Variants in MGAT5 observed in about 807,000 individuals in gnomAD.
The protein encoded by MGAT5 is alpha-1,6-mannosylglycoprotein 6-beta-N-acetylglucosaminyltransferase A.
MGAT5 carries 30 observed loss-of-function variants against 94.3 expected under a neutral mutation model. That is an observed-to-expected ratio of 0.32 (90% CI 0.24 to 0.43). The LOEUF is 0.43. MGAT5 is among the 20% of genes least tolerant of loss of function. The pLI is 1.00. For missense variants in MGAT5, 691 were observed against 905.5 expected (o/e 0.76, Z 3.04); for synonymous variants, 310 against 322.9 (o/e 0.96, Z 0.43).
chr2:134,433,686 CAGTT>C (rs1273928490), intron 14 of MGAT5, among the ~76,000 whole-genome samples: 3 of 152,190 alleles, frequency 2.0e-5, no homozygotes, highest in Non-Finnish European at 2.9e-5. Flanking sequence ...CTAATCCAGT[CAGTT>C]ACTCAATATT....
At chr2:134,276,752 G>A (rs1422534448) in intron 2 of MGAT5, among the ~76,000 whole-genome samples, 1 of 152,206 alleles carries the variant, frequency 6.6e-6, no homozygotes, top group Non-Finnish European at 1.5e-5. Context: ...GCCATGTGGA[G>A]TGAAATGCAT....
chr2:134,387,327 TA>T (rs374381045), intron 10 of MGAT5, among the ~76,000 whole-genome samples: 997 of 45,852 alleles, frequency 0.022, 16 homozygotes, highest in African/African-American at 0.029. Flanking sequence ...TATATATATA[TA>T]TATATTTTTT....
At chr2:134,167,762 A>G (rs1007728502) in intron 1 of MGAT5, among the ~76,000 whole-genome samples, 5 of 152,236 alleles carry the variant, frequency 3.3e-5, no homozygotes, top group African/African-American at 1.2e-4. Context: ...GCAAACCTAC[A>G]TAAGTGGTCT....
At chr2:134,270,968 C>G (rs1346753011) in intron 2 of MGAT5, among the ~76,000 whole-genome samples, 5 of 152,178 alleles carry the variant, frequency 3.3e-5, no homozygotes. Context: ...AAAGAGCCAC[C>G]ATTGCCGAAA....
In MGAT5 at chr2:134,316,801, T is replaced by C. The variant is rs1250425815; in HGVS notation, c.407-728T>C. 3.3e-5 allele frequency among the ~76,000 whole-genome samples: 5 copies of C among 152,296 alleles called. No individual in the cohort carries two copies. In the East Asian group the frequency reaches 9.7e-4, roughly 29 times the overall value. ...TTTTAAATAGCTAGGAGGAGCATATTGAATGTTTCTATCAGAAAGAAATGA... is the reference window on the plus strand; with the variant it reads ...TTTTAAATAGCTAGGAGGAGCATATCGAATGTTTCTATCAGAAAGAAATGA... On this transcript the variant is annotated intron_variant, in intron 2 of 15. Coordinates refer to ENST00000281923, the MANE Select transcript of MGAT5 (RefSeq NM_002410.5).
chr2:134,124,480 G>T (rs1018412655), intron 1 of MGAT5, among the ~76,000 whole-genome samples: 17 of 152,166 alleles, frequency 1.1e-4, no homozygotes, highest in Admixed American at 5.2e-4. Flanking sequence ...TTCCTCTCGG[G>T]ACTCTGCCCA....
intron 14 of MGAT5, among the ~76,000 whole-genome samples, chr2:134,434,601 T>C (rs1303425773): frequency 6.6e-6 from 1 of 152,216 alleles, no homozygotes; most frequent in Non-Finnish European, 1.5e-5. Flanking sequence ...TCAGTTTAGT[T>C]GAGCAGCTCC....
chr2:134,143,395 G>A (rs1686753456), intron 1 of MGAT5, among the ~76,000 whole-genome samples: 2 of 152,238 alleles, frequency 1.3e-5, no homozygotes, highest in Non-Finnish European at 2.9e-5. Context: ...GAAGTGGGCA[G>A]GGAGTGAAGT....
chr2:134,273,344 G>A (rs1684151874), intron 2 of MGAT5, among the ~76,000 whole-genome samples: 2 of 152,268 alleles, frequency 1.3e-5, no homozygotes, highest in South Asian at 4.2e-4. Flanking sequence ...CCTGAGCTGT[G>A]AGAGTTCAGT....
At chr2:134,292,271 A>T (rs186204290) in intron 2 of MGAT5, among the ~76,000 whole-genome samples, 2 of 152,296 alleles carry the variant, frequency 1.3e-5, no homozygotes, top group East Asian at 3.9e-4. Context: ...GAGAGACAGG[A>T]AAACACATTC....
At chr2:134,241,365 CTT>C (rs1008529916) in intron 1 of MGAT5, among the ~76,000 whole-genome samples, 16 of 152,158 alleles carry the variant, frequency 1.1e-4, no homozygotes, top group African/African-American at 3.9e-4. Context: ...CTTATAAACT[CTT>C]TGATTTGTTT....
chr2:134,294,607 A>G (rs1685561421), intron 2 of MGAT5, among the ~76,000 whole-genome samples: 1 of 152,178 alleles, frequency 6.6e-6, no homozygotes, highest in Non-Finnish European at 1.5e-5. Flanking sequence ...AATTAAGAAT[A>G]AATAGTAACT....
At chr2:134,447,494 T>A (rs1685855564) in intron 15 of MGAT5, among the ~76,000 whole-genome samples, 1 of 152,224 alleles carries the variant, frequency 6.6e-6, no homozygotes, top group African/African-American at 2.4e-5. Context: ...GAAGGGAATC[T>A]GAGCCACAGA....
chr2:134,138,382 A>G (rs1003028290), intron 1 of MGAT5, among the ~76,000 whole-genome samples: 2 of 152,222 alleles, frequency 1.3e-5, no homozygotes, highest in African/African-American at 4.8e-5. Flanking sequence ...AATAAAGTCC[A>G]GAAGGTCTAA....
chr2:134,317,775 T>C (rs1687083848), intron 3 of MGAT5, among the ~76,000 whole-genome samples, 170 bp downstream of exon 3: 1 of 152,168 alleles, frequency 6.6e-6, no homozygotes, highest in Non-Finnish European at 1.5e-5. Flanking sequence ...AACCCTGCTA[T>C]GCCTATGTCA....
At chr2:134,435,242 C>T (rs925333601) in intron 14 of MGAT5, among the ~76,000 whole-genome samples, 2 of 152,210 alleles carry the variant, frequency 1.3e-5, no homozygotes, top group Non-Finnish European at 2.9e-5. Context: ...AACCCCATCA[C>T]TTCTGACCCA....
Position 134,279,470 on chromosome 2 carries a change from A to G in MGAT5, c.406+8920A>G, listed in dbSNP as rs1208584128. The stretch of plus-strand genomic sequence containing the variant: ...AATGAATAGTTCTTGCAGAAAAGAA[A>G]CAGGGACCCAGAATTTCTAATTCTG... On this transcript the variant is annotated intron_variant, in intron 2 of 15. Transcript: ENST00000281923. Among the ~76,000 whole-genome samples, 22 of 152,236 alleles carry G rather than the reference A, an allele frequency of 1.4e-4. 1 individual carries two copies. Among genetic ancestry groups the G allele is most frequent in the Non-Finnish European group, 1.5e-5 (1 of 68,036 alleles).
At chr2:134,347,280 C>T (rs950412230) in intron 8 of MGAT5, among the ~76,000 whole-genome samples, 10 of 152,126 alleles carry the variant, frequency 6.6e-5, no homozygotes, top group African/African-American at 1.7e-4. Context: ...AAGCCAAAGC[C>T]TCAAGTAAAA....
intron 10 of MGAT5, among the ~76,000 whole-genome samples, chr2:134,365,197 G>A (rs1006406319): frequency 6.6e-6 from 1 of 152,122 alleles, no homozygotes; most frequent in Non-Finnish European, 1.5e-5. Flanking sequence ...TTTAAATTCT[G>A]AAGATTCCTG....
Sources: gnomAD v4.1 joint callset for allele counts (sites outside exome capture counted in the v4.1 genomes callset) on GRCh38, gnomAD v4.1.1 for gene constraint, MANE v1.5 for transcripts, NCBI Gene and HGNC (gene_info 2026-07-23, HGNC 2026-07-21) for gene names.